The following TRAF5 variants were observed in gnomAD, a reference collection of about 807,000 sequenced individuals.
TRAF5 encodes TNF receptor-associated factor 5.
Under a neutral mutation model 64.5 loss-of-function variants are expected in TRAF5, and 48 were observed. The observed-to-expected ratio is 0.74, with a 90% CI of 0.59 to 0.95. The LOEUF is 0.95. TRAF5 is among the 40% of genes least tolerant of loss of function. The pLI, the probability that TRAF5 is intolerant of heterozygous loss-of-function variation, is 0.00. For synonymous variants in TRAF5, 206 were observed against 240.5 expected, an observed-to-expected ratio of 0.86 and a Z score of 1.33; for missense variants, 545 against 662.8, an observed-to-expected ratio of 0.82 and a Z score of 1.95.
chr1:211,366,437 G>A (rs1280052262), intron 8 of TRAF5, among the ~76,000 whole-genome samples: 1 of 152,162 alleles, frequency 6.6e-6, no homozygotes, highest in Non-Finnish European at 1.5e-5. Context: ...TAGGGACACT[G>A]AGCCAAGGAA....
At chr1:211,351,037 T>TA (rs1702771778) in intron 1 of TRAF5, among the ~76,000 whole-genome samples, 1 of 146,388 alleles carries the variant, frequency 6.8e-6, no homozygotes, top group Non-Finnish European at 1.5e-5. Flanking sequence ...TCTTCTTTTT[T>TA]TTTTTTTTTT....
intron 1 of TRAF5, among the ~76,000 whole-genome samples, chr1:211,334,545 C>G (rs1163140417): frequency 2.0e-5 from 3 of 152,168 alleles, no homozygotes; most frequent in African/African-American, 7.2e-5. Flanking sequence ...GTAGTCCCAG[C>G]TACTTGGGAG....
At chr1:211,351,081 C>A (rs1029219727) in intron 1 of TRAF5, among the ~76,000 whole-genome samples, 1 of 133,000 alleles carries the variant, frequency 7.5e-6, no homozygotes, top group Non-Finnish European at 1.5e-5. Context: ...CACTGGAGTG[C>A]AGTGGCGCCA....
At chr1:211,338,368 A>T (rs1372319110) in intron 1 of TRAF5, among the ~76,000 whole-genome samples, 1 of 152,188 alleles carries the variant, frequency 6.6e-6, no homozygotes, top group Non-Finnish European at 1.5e-5. Flanking sequence ...AGTTTTGTGC[A>T]TATGCATACG....
rs767966609 is a variant in TRAF5, at chr1:211,356,467, A to C, written c.377A>C (p.Gln126Pro). ...CNAKVILGRY[Q>P]DHLQQCLFQP... The stretch of plus-strand genomic sequence containing the variant: ...GCCAAGGTTATTCTGGGCCGGTACC[A>C]GGTTGGTATTACTCATGAACGATAT... The change falls in exon 4 of 11, where the codon CAG becomes CCG. Residue 126 changes from glutamine (Q) to proline (P), a missense_variant and splice_region_variant. Gln to Pro is a moderately conservative substitution (Grantham distance 76). Coordinates refer to ENST00000261464, the MANE Select transcript of TRAF5 (RefSeq NM_001033910.3). 2 of 1,613,876 alleles carry C rather than the reference A, an allele frequency of 1.2e-6. No individual in the cohort carries two copies. The highest frequency in any genetic ancestry group is 2.2e-5 in the South Asian group (2 of 91,080).
chr1:211,366,259 T>G (rs1450807952), intron 8 of TRAF5, among the ~76,000 whole-genome samples: 1 of 152,198 alleles, frequency 6.6e-6, no homozygotes, highest in Non-Finnish European at 1.5e-5. Context: ...GTGTGTGAGT[T>G]CCAGGGTCAG....
At chr1:211,354,150 A>G (rs1012716237) in intron 2 of TRAF5, among the ~76,000 whole-genome samples, 3 of 152,218 alleles carry the variant, frequency 2.0e-5, no homozygotes, top group African/African-American at 7.2e-5. Flanking sequence ...TGATAAACAA[A>G]GGACAGGGGG....
intron 8 of TRAF5, among the ~76,000 whole-genome samples, chr1:211,367,308 AG>A (rs1703386964): frequency 6.6e-6 from 1 of 152,232 alleles, no homozygotes; most frequent in East Asian, 1.9e-4. Context: ...ATAAGAGTGA[AG>A]GCTCTGGAGC....
intron 1 of TRAF5, among the ~76,000 whole-genome samples, chr1:211,344,305 G>T (rs940865919): frequency 1.3e-5 from 2 of 152,220 alleles, no homozygotes; most frequent in African/African-American, 2.4e-5. Context: ...AGAAGTCACA[G>T]TTCTCTTTAA....
At chr1:211,353,731 C>T (rs1702870276) in intron 2 of TRAF5, 1 of 464,174 alleles carries the variant, frequency 2.2e-6, no homozygotes, top group Admixed American at 3.4e-5. Context: ...ATCATGGGAG[C>T]TGGCTGTGGA....
intron 1 of TRAF5, among the ~76,000 whole-genome samples, chr1:211,341,448 T>C (rs1409434190): frequency 1.3e-5 from 2 of 152,160 alleles, no homozygotes; most frequent in Non-Finnish European, 2.9e-5. Flanking sequence ...CAAACTAACA[T>C]AATATGCTTT....
intron 6 of TRAF5, 25 bp from the exon 7 acceptor site, chr1:211,361,063 T>A (rs760253888): frequency 6.2e-7 from 1 of 1,610,528 alleles, no homozygotes; most frequent in Admixed American, 1.7e-5. Context: ...TGAATTTCTA[T>A]AGCTTGTGAC....
intron 1 of TRAF5, among the ~76,000 whole-genome samples, chr1:211,347,453 G>A (rs970723720): frequency 2.6e-5 from 4 of 152,104 alleles, no homozygotes; most frequent in South Asian, 4.1e-4. Flanking sequence ...TCTCATGGCC[G>A]AACATAAATG....
Position 211,374,022 on chromosome 1 carries a change from C to G in TRAF5, c.*1320C>G, listed in dbSNP as rs749118102. Reference sequence around the variant, plus strand: ...TGCTGAGATTACAGGCATGACCCACCGCGTCAAGCCTCTGACAACTATTGA... The same window carrying G: ...TGCTGAGATTACAGGCATGACCCACGGCGTCAAGCCTCTGACAACTATTGA... On this transcript the variant is annotated 3_prime_UTR_variant, in exon 11 of 11. Coordinates refer to ENST00000261464, the MANE Select transcript of TRAF5 (RefSeq NM_001033910.3). The G allele has an allele frequency of 4.6e-5, 7 of 152,166 alleles. No homozygotes were observed. Among genetic ancestry groups the G allele is most frequent in the African/African-American group, 1.7e-4 (7 of 41,436 alleles). 9.4% of individuals were successfully genotyped at this position (152,166 alleles called of 1,614,324 possible).
Position 211,372,798 on chromosome 1 carries a change from AC to A in TRAF5, c.*97del. 1 of 1,157,306 alleles carries A rather than the reference AC, an allele frequency of 8.6e-7. No individual in the cohort carries two copies. The highest frequency in any genetic ancestry group is 1.2e-6 in the Non-Finnish European group (1 of 809,700). The allele number at this position is 1,157,306 out of a possible 1,614,324, so 71.7% of individuals were successfully genotyped here. ...ATTGACCTGGATTTAGACTCAAAGC[AC>A]ATTTGTATTTGCCTTTTTCCTTAAC... is the stretch of plus-strand genomic sequence containing the variant. On this transcript the variant is annotated 3_prime_UTR_variant, in exon 11 of 11. Coordinates refer to ENST00000261464, the MANE Select transcript of TRAF5 (RefSeq NM_001033910.3).
intron 8 of TRAF5, among the ~76,000 whole-genome samples, chr1:211,366,966 A>AT (rs899328818): frequency 2.8e-5 from 3 of 107,596 alleles, no homozygotes; most frequent in Admixed American, 9.8e-5. Flanking sequence ...TGGTCAGCTA[A>AT]TTGTTTGTTT....
intron 1 of TRAF5, among the ~76,000 whole-genome samples, chr1:211,333,272 T>G (rs1702204327): frequency 6.6e-6 from 1 of 152,184 alleles, no homozygotes; most frequent in African/African-American, 2.4e-5. Flanking sequence ...CACTGCAACC[T>G]CCGCCTCCCG....
chr1:211,360,185 A>C, intron 5 of TRAF5, 109 bp downstream of exon 5: 1 of 1,242,164 alleles, frequency 8.1e-7, no homozygotes, highest in Non-Finnish European at 1.1e-6. Flanking sequence ...TTATTTTTGT[A>C]CAGAATTAGG....
At chr1:211,334,597 G>A (rs546727934) in intron 1 of TRAF5, among the ~76,000 whole-genome samples, 47 of 152,328 alleles carry the variant, frequency 3.1e-4, no homozygotes, top group African/African-American at 1.1e-3. Flanking sequence ...GGCGGAGGTT[G>A]CAGTGAGCCG....
Sources: gnomAD v4.1 joint callset for allele counts (sites outside exome capture counted in the v4.1 genomes callset) on GRCh38, gnomAD v4.1.1 for gene constraint, MANE v1.5 for transcripts, NCBI Gene and HGNC (gene_info 2026-07-23, HGNC 2026-07-21) for gene names.